Variants in DSE observed in about 807,000 individuals in gnomAD.
DSE encodes the protein dermatan sulfate epimerase.
DSE carries 36 observed loss-of-function variants against 84.4 expected under a neutral mutation model. The ratio of observed to expected loss-of-function variants is 0.43; its 90% CI spans 0.33 to 0.56. DSE has a LOEUF of 0.56. Among genes scored for constraint, DSE ranks in the 20% least tolerant of loss-of-function variants. The pLI is 0.06. For synonymous variants in DSE, 410 were observed against 430.1 expected, an observed-to-expected ratio of 0.95 and a Z score of 0.58; for missense variants, 862 against 1,169.6, an observed-to-expected ratio of 0.74 and a Z score of 3.84.
intron 2 of DSE, among the ~76,000 whole-genome samples, chr6:116,322,514 C>T (rs539048446): frequency 3.3e-5 from 5 of 152,202 alleles, no homozygotes; most frequent in African/African-American, 9.6e-5. Context: ...TTAGACAAAC[C>T]TTTCCTTCCC....
intron 1 of DSE, among the ~76,000 whole-genome samples, chr6:116,256,945 T>A (rs1455576267): frequency 6.6e-6 from 1 of 152,116 alleles, no homozygotes; most frequent in Non-Finnish European, 1.5e-5. Context: ...AAAATATCGA[T>A]AGAAAATGCC....
intron 2 of DSE, among the ~76,000 whole-genome samples, chr6:116,404,331 GAGGTTT>G (rs1562286817): frequency 6.6e-6 from 1 of 152,226 alleles, no homozygotes; most frequent in Non-Finnish European, 1.5e-5. Context: ...GCATTTAAAA[GAGGTTT>G]AGGATAGGAT....
At chr6:116,400,617 G>C (rs1017500585) in intron 2 of DSE, 5 of 152,194 alleles carry the variant, frequency 3.3e-5, no homozygotes, top group Non-Finnish European at 5.9e-5. Flanking sequence ...GTAATGAAAA[G>C]TATTATGCAA....
At chr6:116,359,442 A>G (rs1442559321) in intron 2 of DSE, among the ~76,000 whole-genome samples, 1 of 152,192 alleles carries the variant, frequency 6.6e-6, no homozygotes. Context: ...ATTGTTGTCA[A>G]CCATCTATGA....
intron 2 of DSE, among the ~76,000 whole-genome samples, chr6:116,336,275 C>T (rs1777246161): frequency 6.6e-6 from 1 of 152,204 alleles, no homozygotes; most frequent in Non-Finnish European, 1.5e-5. Flanking sequence ...AGCATTTAGT[C>T]TGCAAGCCTA....
At chr6:116,290,839 A>G (rs755759348) in intron 2 of DSE, among the ~76,000 whole-genome samples, 1 of 152,160 alleles carries the variant, frequency 6.6e-6, no homozygotes, top group Non-Finnish European at 1.5e-5. Context: ...AAAGGGAGAA[A>G]CTTTTTCCAG....
chr6:116,315,327 G>GAGAT (rs553732378), intron 2 of DSE, among the ~76,000 whole-genome samples: 109 of 103,928 alleles, frequency 1.0e-3, no homozygotes, highest in Non-Finnish European at 1.9e-3. Flanking sequence ...ATCACCTTCT[G>GAGAT]AGATATATAT....
intron 1 of DSE, among the ~76,000 whole-genome samples, chr6:116,382,927 A>G (rs1780333357): frequency 6.6e-6 from 1 of 152,220 alleles, no homozygotes; most frequent in Admixed American, 6.5e-5. Flanking sequence ...ATATGGACAA[A>G]TGGTGATTTC....
At chr6:116,401,048 A>T (rs1194712273) in intron 2 of DSE, 1 of 152,148 alleles carries the variant, frequency 6.6e-6, no homozygotes, top group Non-Finnish European at 1.5e-5. Flanking sequence ...CCAGAGATAG[A>T]GCCTGTAGAG....
chr6:116,369,011 G>A (rs1355241673), upstream of DSE, among the ~76,000 whole-genome samples: 1 of 152,046 alleles, frequency 6.6e-6, no homozygotes, highest in African/African-American at 2.4e-5. Context: ...AAGCAAAATT[G>A]TGGGGGGTGT....
chr6:116,436,196 G>A lies in DSE; in HGVS notation c.1728G>A (p.Glu576=). Residue 576 remains glutamate, a synonymous_variant, in exon 6 of 6, where the codon GAG becomes GAA. Coordinates refer to ENST00000644252, the MANE Select transcript of DSE (RefSeq NM_013352.4). ...LLLVDQIHLG[E]ESPLETAASF... is the part of the protein sequence containing the mutation. ...TTGTAGACCAAATACACCTGGGAGA[G>A]GAGAGTCCCTTGGAGACAGCAGCGA... 3 of 1,613,862 alleles carry A rather than the reference G, an allele frequency of 1.9e-6. No homozygotes were observed. The highest frequency in any genetic ancestry group is 1.3e-5 in the African/African-American group (1 of 75,022).
intron 2 of DSE, among the ~76,000 whole-genome samples, chr6:116,353,685 G>A (rs1034514693): frequency 3.3e-5 from 5 of 152,132 alleles, no homozygotes; most frequent in Admixed American, 3.3e-4. Flanking sequence ...CAAATACATT[G>A]CACAGCTGTT....
chr6:116,328,549 G>A (rs2114782888), intron 2 of DSE, among the ~76,000 whole-genome samples: 1 of 152,220 alleles, frequency 6.6e-6, no homozygotes, highest in Middle Eastern at 3.4e-3. Flanking sequence ...TAAAATCTTG[G>A]TATATCCATT....
chr6:116,348,732 C>T (rs1424627553), intron 2 of DSE, among the ~76,000 whole-genome samples: 1 of 152,186 alleles, frequency 6.6e-6, no homozygotes, highest in South Asian at 2.1e-4. Flanking sequence ...ACCCAAATGT[C>T]CATCAATGAT....
intron 2 of DSE, among the ~76,000 whole-genome samples, chr6:116,409,383 T>A (rs1440800906): frequency 6.6e-6 from 1 of 152,188 alleles, no homozygotes; most frequent in East Asian, 1.9e-4. Context: ...TTCATGCCAT[T>A]CTCCTGCCTC....
intron 2 of DSE, among the ~76,000 whole-genome samples, chr6:116,328,347 A>G (rs1776748383): frequency 6.6e-6 from 1 of 152,210 alleles, no homozygotes; most frequent in Non-Finnish European, 1.5e-5. Context: ...CTCTTTTGAG[A>G]TTCACATTAT....
intron 1 of DSE, chr6:116,254,850 T>C (rs1466704431): frequency 1.3e-5 from 2 of 152,488 alleles, no homozygotes; most frequent in African/African-American, 4.8e-5. Flanking sequence ...GTTACAATCT[T>C]AATCTAAAAG....
chr6:116,333,281 G>A (rs1303785993), intron 2 of DSE, among the ~76,000 whole-genome samples: 1 of 152,138 alleles, frequency 6.6e-6, no homozygotes, highest in Non-Finnish European at 1.5e-5. Flanking sequence ...CATGGTTCTG[G>A]AGGCTGGGAA....
intron 2 of DSE, among the ~76,000 whole-genome samples, chr6:116,305,808 A>C (rs1775309806): frequency 6.6e-6 from 1 of 151,948 alleles, no homozygotes; most frequent in African/African-American, 2.4e-5. Context: ...CAGCCAGCTA[A>C]TTTTTGTATT....
Sources: gnomAD v4.1 joint callset for allele counts (sites outside exome capture counted in the v4.1 genomes callset) on GRCh38, gnomAD v4.1.1 for gene constraint, MANE v1.5 for transcripts, NCBI Gene and HGNC (gene_info 2026-07-23, HGNC 2026-07-21) for gene names.